FARS2: variants seen among roughly 807,000 people sequenced by gnomAD.
FARS2 encodes phenylalanyl-tRNA synthetase 2, mitochondrial, also known as phenylalanine--tRNA ligase, mitochondrial.
A neutral mutation model predicts 46.4 loss-of-function variants in FARS2; 40 were observed. The observed-to-expected ratio is 0.86, with a 90% confidence interval of 0.67 to 1.12. FARS2 has a LOEUF of 1.12. FARS2 is among the 50% of genes most tolerant of loss of function. FARS2 has a pLI of 0.00. For synonymous variants in FARS2, 234 were observed against 214.9 expected, an observed-to-expected ratio of 1.09 and a Z score of -0.78; for missense variants, 513 against 567.9, an observed-to-expected ratio of 0.90 and a Z score of 0.98.
At chr6:5,515,070 G>A (rs1335792663) in intron 4 of FARS2, among the ~76,000 whole-genome samples, 2 of 151,906 alleles carry the variant, frequency 1.3e-5, no homozygotes, top group Non-Finnish European at 2.9e-5. Flanking sequence ...GCCTTCAAGC[G>A]AAACTCCATC....
intron 4 of FARS2, among the ~76,000 whole-genome samples, chr6:5,470,168 A>G (rs1428973803): frequency 2.0e-5 from 3 of 152,244 alleles, no homozygotes; most frequent in East Asian, 1.9e-4. Context: ...TTGGCCCTCC[A>G]TACCTGCAGG....
chr6:5,728,423 G>A (rs968503972), intron 6 of FARS2, among the ~76,000 whole-genome samples: 8 of 152,218 alleles, frequency 5.3e-5, no homozygotes, highest in Middle Eastern at 3.4e-3. Flanking sequence ...GTTTGCTGAC[G>A]CTAAAATGAC....
intron 4 of FARS2, among the ~76,000 whole-genome samples, chr6:5,513,307 T>A (rs1448923829): frequency 6.6e-6 from 1 of 152,208 alleles, no homozygotes; most frequent in Non-Finnish European, 1.5e-5. Flanking sequence ...CGTGTTTGTG[T>A]TGTATCCACA....
At chr6:5,265,529 C>G (rs1382283675) in intron 1 of FARS2, among the ~76,000 whole-genome samples, 3 of 152,150 alleles carry the variant, frequency 2.0e-5, no homozygotes, top group East Asian at 3.9e-4. Context: ...CCTTTTGTTT[C>G]AAATCATGAC....
chr6:5,353,996 G>C (rs1217378006), intron 1 of FARS2, among the ~76,000 whole-genome samples: 1 of 111,602 alleles, frequency 9.0e-6, no homozygotes, highest in Non-Finnish European at 1.8e-5. Flanking sequence ...CATATATTCT[G>C]GTCTAAGTGA....
At chr6:5,556,412 A>ACCGTCCC (rs1250558126) in intron 5 of FARS2, among the ~76,000 whole-genome samples, 29 of 152,048 alleles carry the variant, frequency 1.9e-4, no homozygotes, top group Middle Eastern at 3.4e-3. Context: ...AGTCCTCCTG[A>ACCGTCCC]TTCTCAGTCC....
At chr6:5,543,835 A>G (rs1265864284) in intron 4 of FARS2, among the ~76,000 whole-genome samples, 2 of 150,118 alleles carry the variant, frequency 1.3e-5, no homozygotes, top group African/African-American at 2.5e-5. Flanking sequence ...GGAATTTCCT[A>G]TCACTTTTCT....
intron 5 of FARS2, among the ~76,000 whole-genome samples, chr6:5,602,742 C>T (rs9504448): frequency 0.28 from 41,767 of 151,232 alleles, 6,499 homozygotes; most frequent in African/African-American, 0.42. Context: ...GGGCTAGGCC[C>T]GGAGCAGGGG....
In FARS2 at chr6:5,414,502, G is replaced by A. The variant is rs528217744; in HGVS notation, c.772+9801G>A. ...TACCATTTTCTAGATTTATGTTCAA[G>A]GAAATCCTATTGTATGTATTCTCTG... On this transcript the variant is annotated intron_variant, in intron 3 of 6. Transcript: ENST00000274680. 4.0e-3 allele frequency among the ~76,000 whole-genome samples: 602 copies of A among 152,252 alleles called. 5 individuals are homozygous for A. The highest frequency in any genetic ancestry group is 0.014 in the African/African-American group (573 of 41,536).
chr6:5,350,003 G>C (rs1193801249), intron 1 of FARS2, among the ~76,000 whole-genome samples: 5 of 151,840 alleles, frequency 3.3e-5, no homozygotes, highest in African/African-American at 1.2e-4. Context: ...TCACCTGGCA[G>C]TGTAGTGTTT....
At chr6:5,252,532 C>T in the FARS2 span, among the ~76,000 whole-genome samples, 1 of 152,216 alleles carries the variant, frequency 6.6e-6, no homozygotes, top group Non-Finnish European at 1.5e-5. Flanking sequence ...GAATGCTCTT[C>T]CATCGCATGT....
At chr6:5,309,594 G>C (rs1768948973) in intron 1 of FARS2, among the ~76,000 whole-genome samples, 1 of 152,104 alleles carries the variant, frequency 6.6e-6, no homozygotes, top group Non-Finnish European at 1.5e-5. Flanking sequence ...TTTGAAATAG[G>C]ATCTTATGAC....
chr6:5,757,929 A>G (rs567418513), intron 6 of FARS2, among the ~76,000 whole-genome samples: 3 of 152,334 alleles, frequency 2.0e-5, no homozygotes, highest in South Asian at 4.1e-4. Flanking sequence ...CTTTAGTTTT[A>G]TGCATATTTG....
At chr6:5,678,050 C>T (rs918083229) in intron 6 of FARS2, among the ~76,000 whole-genome samples, 6 of 152,038 alleles carry the variant, frequency 3.9e-5, no homozygotes, top group Non-Finnish European at 8.8e-5. Context: ...TCAAAGCCTC[C>T]GAGGCTTTGA....
In FARS2 at chr6:5,535,733, C is replaced by T. The variant is rs182524775; in HGVS notation, c.905-9447C>T. Among the ~76,000 whole-genome samples the T allele has an allele frequency of 1.7e-3, 255 of 152,266 alleles. 1 individual carries two copies. The highest frequency in any genetic ancestry group is 2.7e-3 in the Admixed American group (41 of 15,288). ...TTCCTGGTTTATTGAATATTTTTAT[C>T]ATGAAAGGGTGTTGGACTTTGTCAG... On this transcript the variant is annotated intron_variant, in intron 4 of 6. Coordinates refer to ENST00000274680, the MANE Select transcript of FARS2 (RefSeq NM_006567.5).
chr6:5,643,700 C>T (rs1246297509), intron 6 of FARS2, among the ~76,000 whole-genome samples: 1 of 152,180 alleles, frequency 6.6e-6, no homozygotes, highest in Non-Finnish European at 1.5e-5. Flanking sequence ...TCTGACCAGA[C>T]TTCCCAGTGG....
At chr6:5,258,754 A>C (rs550314600), upstream of FARS2, among the ~76,000 whole-genome samples, 1 of 152,354 alleles carries the variant, frequency 6.6e-6, no homozygotes, top group African/African-American at 2.4e-5. Flanking sequence ...TTTAGCTTAA[A>C]AGTATATGCT....
Position 5,613,150 on chromosome 6 carries a change from T to A in FARS2, c.1066-19T>A. ...TCAACTAACAAGTTCATGTATCTTT[T>A]CTCCTCTTGTTTTGTTAGCCTCTTA... On this transcript the variant is annotated intron_variant, in intron 5 of 6. Transcript: ENST00000274680. The A allele has an allele frequency of 6.2e-7, 1 of 1,605,186 alleles. No homozygotes were observed. Among genetic ancestry groups the A allele is most frequent in the African/African-American group, 1.3e-5 (1 of 74,756 alleles).
At chr6:5,577,051 C>A (rs1305961844) in intron 5 of FARS2, among the ~76,000 whole-genome samples, 1 of 149,610 alleles carries the variant, frequency 6.7e-6, no homozygotes, top group East Asian at 2.0e-4. Context: ...TTAGACATTT[C>A]ATGTATATAA....
Sources: gnomAD v4.1 joint callset for allele counts (sites outside exome capture counted in the v4.1 genomes callset) on GRCh38, gnomAD v4.1.1 for gene constraint, MANE v1.5 for transcripts, NCBI Gene and HGNC (gene_info 2026-07-23, HGNC 2026-07-21) for gene names.